Variants in ADD1 observed in about 807,000 individuals in gnomAD.
ADD1 encodes the protein alpha-adducin.
ADD1 carries 24 observed loss-of-function variants against 80.5 expected under a neutral mutation model. The ratio of observed to expected loss-of-function variants is 0.30; its 90% confidence interval spans 0.22 to 0.42. The LOEUF is 0.42. Among genes scored for constraint, ADD1 ranks in the 10% least tolerant of loss-of-function variants. The pLI is 1.00. For missense variants in ADD1, 948 were observed against 1,019.0 expected, an observed-to-expected ratio of 0.93 and a Z score of 0.95; for synonymous variants, 373 against 393.8, an observed-to-expected ratio of 0.95 and a Z score of 0.63.
intron 10 of ADD1, 50 bp downstream of exon 10, chr4:2,905,158 G>GTAGC: frequency 6.3e-7 from 1 of 1,580,238 alleles, no homozygotes; most frequent in Non-Finnish European, 8.7e-7. Context: ...AGCAAGTTGG[G>GTAGC]TAGCTGGGGC....
At chr4:2,848,491 C>T (rs1029724460) in intron 1 of ADD1, among the ~76,000 whole-genome samples, 1 of 151,990 alleles carries the variant, frequency 6.6e-6, no homozygotes, top group Non-Finnish European at 1.5e-5. Flanking sequence ...TTTTTTGAGA[C>T]AGACTCTTGC....
rs760253931 is a variant in ADD1 at position 2,905,073 on chromosome 4, G to A, written c.1471G>A (p.Gly491Ser). The change falls in exon 10 of 16, where the codon GGT becomes AGT. Residue 491 changes from glycine to serine, a missense_variant. By Grantham distance (56) the Gly-to-Ser change is moderately conservative. Coordinates refer to ENST00000683351, the MANE Select transcript of ADD1 (RefSeq NM_001354761.2). ...VKPLLQSLSS[G>S]VCVPSCITNC... is the part of the protein sequence containing the mutation. ...ACCCTTGCTGCAGTCTCTCTCGTCC[G>A]GTGTCTGCGTGCCAAGCTGTATTAC... The A allele has an allele frequency of 3.7e-6, 6 of 1,614,176 alleles. No individual in the cohort carries two copies. The highest frequency in any genetic ancestry group is 4.2e-6 in the Non-Finnish European group (5 of 1,180,032).
chr4:2,849,463 A>G (rs898546620), intron 1 of ADD1, among the ~76,000 whole-genome samples: 12 of 152,176 alleles, frequency 7.9e-5, no homozygotes, highest in East Asian at 3.8e-4. Flanking sequence ...CAGAGTCCAC[A>G]GGTATATCTC....
chr4:2,912,067 GTC>G (rs1738168219), intron 13 of ADD1, among the ~76,000 whole-genome samples: 2 of 152,194 alleles, frequency 1.3e-5, no homozygotes, highest in African/African-American at 2.4e-5. Context: ...AAATCTGATG[GTC>G]AGAGAGGTCA....
At chr4:2,852,070 A>G (rs531544631) in intron 1 of ADD1, among the ~76,000 whole-genome samples, 2 of 152,032 alleles carry the variant, frequency 1.3e-5, no homozygotes, top group Non-Finnish European at 2.9e-5. Flanking sequence ...TCCTGACCTC[A>G]GGTGATCTGC....
At chr4:2,880,459 CTTTCTTTTTTTTT>C (rs1732076600) in intron 2 of ADD1, among the ~76,000 whole-genome samples, 1 of 78,932 alleles carries the variant, frequency 1.3e-5, no homozygotes, top group South Asian at 4.5e-4. Context: ...ATATTTCTTT[CTTTCTTTTTTTTT>C]TTTTTTTTTT....
In ADD1 at chr4:2,926,890, C is replaced by A. The variant is rs1185507907; in HGVS notation, c.2047+778C>A. 6.6e-6 allele frequency among the ~76,000 whole-genome samples: 1 copy of A among 152,234 alleles called. No individual in the cohort carries two copies. Among genetic ancestry groups the A allele is most frequent in the Non-Finnish European group, 1.5e-5 (1 of 68,042 alleles). ...AGCGGCAGCGGGTACCTCCACGCAC[C>A]TAGGTGCCATGGAGCACTCTGGGCC... On this transcript the variant is annotated intron_variant, in intron 15 of 15. Coordinates refer to ENST00000683351, the MANE Select transcript of ADD1 (RefSeq NM_001354761.2). The surrounding 1 kb of genome is among the most constrained non-coding windows in gnomAD (Gnocchi z 5.0).
chr4:2,908,465 A>T, intron 11 of ADD1, 50 bp from the exon 12 acceptor site: 1 of 1,543,662 alleles, frequency 6.5e-7, no homozygotes, highest in Non-Finnish European at 9.0e-7. Flanking sequence ...GCTCCCAGGC[A>T]GCATGGCTGC....
intron 1 of ADD1, among the ~76,000 whole-genome samples, chr4:2,849,444 G>C (rs776284752): frequency 1.3e-5 from 2 of 152,152 alleles, no homozygotes; most frequent in African/African-American, 2.4e-5. Flanking sequence ...TGGGGCTGAC[G>C]TTAGGGGACA....
At chr4:2,906,377 A>G (rs1477542624) in intron 10 of ADD1, among the ~76,000 whole-genome samples, 2 of 151,106 alleles carry the variant, frequency 1.3e-5, no homozygotes, top group African/African-American at 4.9e-5. Flanking sequence ...TGTTAAAGGA[A>G]GTGGGCGTTA....
chr4:2,882,025 C>T lies in ADD1; in HGVS notation c.323C>T (p.Ala108Val). The change falls in exon 3 of 16, where the codon GCA becomes GTA. Residue 108 changes from alanine to valine, a missense_variant. Ala to Val is a moderately conservative substitution (Grantham distance 64). Coordinates refer to ENST00000683351, the MANE Select transcript of ADD1 (RefSeq NM_001354761.2). ...MTTNVPNVYPAAPQGGMAALN... is the reference protein window; with the variant it reads ...MTTNVPNVYPVAPQGGMAALN... ...ACGAATGTACCAAATGTCTACCCAG[C>T]AGCTCCGCAAGGAGGGATGGCTGCC... 1 of 1,612,542 alleles carries T rather than the reference C, an allele frequency of 6.2e-7. No individual in the cohort carries two copies. The highest frequency in any genetic ancestry group is 8.5e-7 in the Non-Finnish European group (1 of 1,179,638).
At chr4:2,876,294 G>A in intron 2 of ADD1, 184 bp downstream of exon 2, 1 of 496,618 alleles carries the variant, frequency 2.0e-6, no homozygotes, top group Non-Finnish European at 3.4e-6. Flanking sequence ...CATCATAAAT[G>A]AAAAATCTTC....
intron 1 of ADD1, among the ~76,000 whole-genome samples, chr4:2,874,676 A>C (rs543768012): frequency 6.6e-6 from 1 of 152,248 alleles, no homozygotes; most frequent in South Asian, 2.1e-4. Flanking sequence ...TTTAGAACAG[A>C]AATATCAAAT....
chr4:2,908,411 A>G (rs1217424714), intron 11 of ADD1, 104 bp from the exon 12 acceptor site: 2 of 989,102 alleles, frequency 2.0e-6, no homozygotes, highest in Non-Finnish European at 3.1e-6. Flanking sequence ...GAGAGCTGAA[A>G]TGTAGCTTCC....
chr4:2,926,564 C>G lies in ADD1; in HGVS notation c.2047+452C>G, dbSNP rs1385345318. 2.5e-5 allele frequency: 38 copies of G among 1,545,330 alleles called. No homozygotes were observed. The highest frequency in any genetic ancestry group is 3.3e-5 in the Non-Finnish European group (37 of 1,126,690). On this transcript the variant is annotated intron_variant, in intron 15 of 15. Transcript: ENST00000683351. The surrounding 1 kb of genome is among the most constrained non-coding windows in gnomAD (Gnocchi z 5.0). ...AGCCCGTGGCCCTGCCTTTCTTCTT[C>G]TGTAACCTGATGGCTGTGACTGAAT...
chr4:2,918,324 T>C (rs1468156352), intron 14 of ADD1, among the ~76,000 whole-genome samples: 1 of 152,210 alleles, frequency 6.6e-6, no homozygotes, highest in East Asian at 1.9e-4. Flanking sequence ...TTGTCAATTA[T>C]TGGTGTGTAG....
At chr4:2,896,748 T>C (rs1735308876) in intron 6 of ADD1, among the ~76,000 whole-genome samples, 1 of 152,132 alleles carries the variant, frequency 6.6e-6, no homozygotes, top group African/African-American at 2.4e-5. Flanking sequence ...TGAACAGCTA[T>C]CACGTAACGT....
intron 13 of ADD1, among the ~76,000 whole-genome samples, chr4:2,913,296 T>A (rs1250554269): frequency 1.3e-5 from 2 of 152,254 alleles, no homozygotes; most frequent in African/African-American, 4.8e-5. Context: ...GTTGCTGGGA[T>A]ACCATCTCTA....
chr4:2,850,184 A>G (rs1341432614), intron 1 of ADD1, among the ~76,000 whole-genome samples: 2 of 152,244 alleles, frequency 1.3e-5, no homozygotes, highest in African/African-American at 4.8e-5. Flanking sequence ...CTCTGAAAAC[A>G]TGCTAAGTGG....
Sources: allele counts gnomAD v4.1 joint callset (sites outside exome capture counted in the v4.1 genomes callset), GRCh38; gene constraint gnomAD v4.1.1; non-coding constraint Gnocchi (gnomAD v3.1); transcripts MANE v1.5; gene names NCBI Gene and HGNC (gene_info 2026-07-23, HGNC 2026-07-21).